SNTG1: variants seen among roughly 807,000 people sequenced by gnomAD.
The protein encoded by SNTG1 is syntrophin gamma 1, also known as gamma-1-syntrophin.
A neutral mutation model predicts 74.7 loss-of-function variants in SNTG1; 39 were observed. That is an observed-to-expected ratio of 0.52 (90% CI 0.40 to 0.68). SNTG1 has a LOEUF of 0.68. Ranked by LOEUF, SNTG1 falls within the 30% of genes least tolerant of loss-of-function variation. The pLI is 0.00. For synonymous variants in SNTG1, 254 were observed against 217.1 expected (o/e 1.17, Z -1.49); for missense variants, 685 against 609.5 (o/e 1.12, Z -1.30).
At chr8:50,556,704 C>A (rs1563571231) in intron 12 of SNTG1, among the ~76,000 whole-genome samples, 1 of 152,104 alleles carries the variant, frequency 6.6e-6, no homozygotes, top group Non-Finnish European at 1.5e-5. Context: ...GGATATGAAT[C>A]ATCAGACTTT....
At chr8:50,003,660 A>G (rs1374406707) in intron 1 of SNTG1, among the ~76,000 whole-genome samples, 8 of 152,188 alleles carry the variant, frequency 5.3e-5, no homozygotes, top group African/African-American at 1.9e-4. Flanking sequence ...TAGAAGATAG[A>G]CATTTTTTCT....
At chr8:50,579,567 C>T (rs564386480) in intron 12 of SNTG1, among the ~76,000 whole-genome samples, 58 of 152,254 alleles carry the variant, frequency 3.8e-4, no homozygotes, top group Non-Finnish European at 7.1e-4. Context: ...TCCAGGCCCC[C>T]CTGCTATGTG....
intron 1 of SNTG1, among the ~76,000 whole-genome samples, chr8:50,012,439 T>A (rs551717652): frequency 3.9e-5 from 6 of 152,232 alleles, no homozygotes; most frequent in Non-Finnish European, 8.8e-5. Context: ...GTCTTCATAA[T>A]ACTAATCACT....
rs528331218 is a variant in SNTG1 at position 50,590,874 on chromosome 8, T to C, written c.811-5T>C. ...CTCACTTTTATTATTTATTTATCAT[T>C]GCAGATTAAAAAAATCAACAGAAAC... On this transcript the variant is annotated splice_polypyrimidine_tract_variant and splice_region_variant and intron_variant, in intron 12 of 18. Coordinates refer to ENST00000642720, the MANE Select transcript of SNTG1 (RefSeq NM_018967.5). 2 of 1,548,814 alleles carry C rather than the reference T, an allele frequency of 1.3e-6. No individual in the cohort carries two copies. Among genetic ancestry groups the C allele is most frequent in the Admixed American group, 1.8e-5 (1 of 55,578 alleles).
chr8:50,578,944 A>C (rs182016379), intron 12 of SNTG1, among the ~76,000 whole-genome samples: 1 of 152,216 alleles, frequency 6.6e-6, no homozygotes, highest in East Asian at 1.9e-4. Flanking sequence ...AAAATGTGGA[A>C]GTGACTTGGG....
intron 1 of SNTG1, among the ~76,000 whole-genome samples, chr8:50,067,441 C>T (rs1317010216): frequency 6.6e-6 from 1 of 152,164 alleles, no homozygotes; most frequent in African/African-American, 2.4e-5. Flanking sequence ...TGTTTCAGGT[C>T]TCTCCATTTC....
intron 1 of SNTG1, among the ~76,000 whole-genome samples, chr8:50,024,150 C>T (rs1817061508): frequency 1.3e-5 from 2 of 152,104 alleles, no homozygotes; most frequent in South Asian, 2.1e-4. Context: ...TGAGAATGCC[C>T]TTCTTTTTGC....
intron 18 of SNTG1, among the ~76,000 whole-genome samples, chr8:50,778,000 A>G (rs1233545229): frequency 7.2e-5 from 11 of 151,736 alleles, no homozygotes; most frequent in Non-Finnish European, 1.3e-4. Context: ...ATGATTTCCA[A>G]TTTCATCCAT....
In SNTG1 at chr8:50,122,622, G is replaced by A. The variant is rs1030196308; in HGVS notation, c.-102-49939G>A. On this transcript the variant is annotated intron_variant, in intron 1 of 18. Coordinates refer to ENST00000642720, the MANE Select transcript of SNTG1 (RefSeq NM_018967.5). ...ATAACTAATTAAAGGAGGTGAGGCG[G>A]TAGCTCAGGAGCAGTGGGAAGATGG... is the stretch of plus-strand genomic sequence containing the variant. 4.2e-5 allele frequency among the ~76,000 whole-genome samples: 6 copies of A among 141,976 alleles called. 1 individual carries two copies. The highest frequency in any genetic ancestry group is 9.4e-5 in the Non-Finnish European group (6 of 63,820). The allele number at this position is 141,976 out of a possible 152,430, so 93.1% of individuals were successfully genotyped here.
At chr8:50,287,538 C>A (rs2167157) in intron 2 of SNTG1, among the ~76,000 whole-genome samples, 71,325 of 151,982 alleles carry the variant, frequency 0.47, 19,298 homozygotes, top group East Asian at 0.83. Context: ...AGACCATCCC[C>A]ACTTACAAAA....
intron 9 of SNTG1, among the ~76,000 whole-genome samples, chr8:50,503,983 C>G (rs2093985422): frequency 6.6e-6 from 1 of 152,108 alleles, no homozygotes. Context: ...GATCCTGTCC[C>G]TCCTCCCACC....
intron 13 of SNTG1, among the ~76,000 whole-genome samples, chr8:50,651,823 AG>A (rs528057185): frequency 1.3e-5 from 2 of 151,658 alleles, no homozygotes; most frequent in Non-Finnish European, 2.9e-5. Context: ...CTTGTTGCCC[AG>A]GCTGGAGTGC....
In SNTG1 at chr8:50,690,210, C is replaced by A. The variant is rs181771521; in HGVS notation, c.1039-14390C>A. Among the ~76,000 whole-genome samples the A allele has an allele frequency of 2.2e-3, 331 of 152,194 alleles. 2 individuals carry two copies. Among genetic ancestry groups the A allele is most frequent in the African/African-American group, 7.6e-3 (314 of 41,536 alleles). On this transcript the variant is annotated intron_variant, in intron 15 of 18. Transcript: ENST00000642720. ...TTTTCAAAAAACCGGCTCCTGGATT[C>A]ATTAATTTTTGAAGGTTTTTTTGTG...
At chr8:50,583,394 C>CAAAA (rs58794829) in intron 12 of SNTG1, among the ~76,000 whole-genome samples, 199 of 81,436 alleles carry the variant, frequency 2.4e-3, no homozygotes, top group African/African-American at 3.4e-3. Context: ...GAGTGAGACT[C>CAAAA]AAAAAAAAAA....
At chr8:50,339,943 T>G (rs886975659) in intron 2 of SNTG1, among the ~76,000 whole-genome samples, 7 of 151,714 alleles carry the variant, frequency 4.6e-5, no homozygotes, top group Non-Finnish European at 7.4e-5. Flanking sequence ...ACTTTAAATA[T>G]AAGGACACAG....
At chr8:50,154,195 C>T (rs776144877) in intron 1 of SNTG1, among the ~76,000 whole-genome samples, 43 of 152,122 alleles carry the variant, frequency 2.8e-4, no homozygotes, top group African/African-American at 6.3e-4. Context: ...TCATACAGCC[C>T]GGTACCCCTC....
In SNTG1 at chr8:50,348,560, A is replaced by C. The variant is rs115357744; in HGVS notation, c.-27-45652A>C. 9.1e-3 allele frequency among the ~76,000 whole-genome samples: 1,385 copies of C among 152,338 alleles called. 25 individuals are homozygous for C. Among genetic ancestry groups the C allele is most frequent in the African/African-American group, 0.032 (1,315 of 41,572 alleles). On this transcript the variant is annotated intron_variant, in intron 2 of 18. Transcript: ENST00000642720. Reference sequence around the variant, plus strand: ...ACCGCAAGGAGTAAGGTCTGAGGAAAGCAGGACCAATGCACTTAATATTTA... The same window carrying C: ...ACCGCAAGGAGTAAGGTCTGAGGAACGCAGGACCAATGCACTTAATATTTA...
At chr8:50,083,824 T>G (rs955529794) in intron 1 of SNTG1, among the ~76,000 whole-genome samples, 5 of 152,212 alleles carry the variant, frequency 3.3e-5, no homozygotes, top group African/African-American at 1.2e-4. Context: ...GTTCATTTCA[T>G]CATGCCTTCT....
intron 2 of SNTG1, among the ~76,000 whole-genome samples, chr8:50,189,408 G>T (rs1382351215): frequency 6.6e-6 from 1 of 152,082 alleles, no homozygotes; most frequent in Admixed American, 6.6e-5. Flanking sequence ...TGATTCGGTA[G>T]ATGTGGGAAG....
Sources: allele counts gnomAD v4.1 joint callset (sites outside exome capture counted in the v4.1 genomes callset), GRCh38; gene constraint gnomAD v4.1.1; transcripts MANE v1.5; gene names NCBI Gene and HGNC (gene_info 2026-07-23, HGNC 2026-07-21).